CMTM3: variants seen among roughly 807,000 people sequenced by gnomAD.
CMTM3 encodes CKLF like MARVEL transmembrane domain containing 3, also known as CKLF-like MARVEL transmembrane domain-containing protein 3.
CMTM3 carries 7 observed loss-of-function variants against 18.2 expected under a neutral mutation model. That is an observed-to-expected ratio of 0.38 (90% CI 0.22 to 0.72). The LOEUF (loss-of-function observed/expected upper bound fraction) is 0.72, where lower values mean the gene tolerates loss of function less well. CMTM3 is among the 30% of genes least tolerant of loss of function. The pLI is 0.46. For missense variants in CMTM3, 227 were observed against 249.2 expected (o/e 0.91, Z 0.60); for synonymous variants, 109 against 111.2 (o/e 0.98, Z 0.12).
In CMTM3 at chr16:66,605,170, C is replaced by T. The variant is rs551937800; in HGVS notation, c.147+218C>T. Reference sequence around the variant, plus strand: ...GGGCCCGAGCCCAGGCCATCCGCGGCGCTGTCCCCGCGAGTCCAGAGCTGG... The same window carrying T: ...GGGCCCGAGCCCAGGCCATCCGCGGTGCTGTCCCCGCGAGTCCAGAGCTGG... On this transcript the variant is annotated intron_variant, in intron 1 of 4. Coordinates refer to ENST00000567572, the MANE Select transcript of CMTM3 (RefSeq NM_181553.4). This position sits in a 1 kb window ranked among gnomAD's most constrained non-coding sequence, Gnocchi z 4.6. 3 of 430,452 alleles carry T rather than the reference C, an allele frequency of 7.0e-6. No individual in the cohort carries two copies. The East Asian group carries it at 1.2e-4, about 17-fold the overall frequency. The allele number at this position is 430,452 out of a possible 1,614,324, so 26.7% of individuals were successfully genotyped here. A position where few individuals can be genotyped will look rare whatever the true frequency, so the allele number is the denominator to read the frequency against.
chr16:66,610,025 C>A lies in CMTM3; in HGVS notation c.520+22C>A, dbSNP rs765826671. 5.0e-6 allele frequency: 8 copies of A among 1,612,464 alleles called. No homozygotes were observed. The highest frequency in any genetic ancestry group is 3.4e-6 in the Non-Finnish European group (4 of 1,178,986). On this transcript the variant is annotated intron_variant, in intron 4 of 4. Transcript: ENST00000567572. This position sits in a 1 kb window ranked among gnomAD's most constrained non-coding sequence, Gnocchi z 4.6. ...GAAGGTAAGCGGCTGCCCTGATCACCCCAGCAGTGCTGCAACAGGGGCCTG... is the reference window on the plus strand; with the variant it reads ...GAAGGTAAGCGGCTGCCCTGATCACACCAGCAGTGCTGCAACAGGGGCCTG...
rs2015345869 is a variant in CMTM3, at chr16:66,610,728, C to T, written c.520+725C>T. On this transcript the variant is annotated intron_variant, in intron 4 of 4. Transcript: ENST00000567572. This position sits in a 1 kb window ranked among gnomAD's most constrained non-coding sequence, Gnocchi z 4.6. Reference sequence around the variant, plus strand: ...CGGATGTGCCCCTGTGCTGGCAGTGCCTGTGGCTGGACAGGTAGACAAGGG... The same window carrying T: ...CGGATGTGCCCCTGTGCTGGCAGTGTCTGTGGCTGGACAGGTAGACAAGGG... 1.0e-5 allele frequency: 4 copies of T among 398,130 alleles called. No individual in the cohort carries two copies. Among genetic ancestry groups the T allele is most frequent in the South Asian group, 1.3e-4 (1 of 7,592 alleles). 24.7% of individuals were successfully genotyped at this position (398,130 alleles called of 1,614,324 possible). A position where few individuals can be genotyped will look rare whatever the true frequency, so the allele number is the denominator to read the frequency against.
At position 66,609,617 on chromosome 16, in the gene CMTM3, G is replaced by A. The variant is rs2015297037; in HGVS notation, c.399+87G>A. The A allele has an allele frequency of 1.3e-6, 2 of 1,518,352 alleles. No homozygotes were observed. Among genetic ancestry groups the A allele is most frequent in the Admixed American group, 3.9e-5 (2 of 50,688 alleles). The allele number at this position is 1,518,352 out of a possible 1,614,324, so 94.1% of individuals were successfully genotyped here. ...GGGACCTGGGGCAGAGCCTTTCCCT[G>A]CTGGGGCCCCCCTGGGGTCTCATGT... On this transcript the variant is annotated intron_variant, in intron 3 of 4. Coordinates refer to ENST00000567572, the MANE Select transcript of CMTM3 (RefSeq NM_181553.4). This position sits in a 1 kb window ranked among gnomAD's most constrained non-coding sequence, Gnocchi z 4.4.
chr16:66,612,706 G>C lies in CMTM3; in HGVS notation c.*69G>C. 2 of 1,516,540 alleles carry C rather than the reference G, an allele frequency of 1.3e-6. No individual in the cohort carries two copies. Among genetic ancestry groups the C allele is most frequent in the East Asian group, 4.5e-5 (2 of 44,372 alleles). 93.9% of individuals were successfully genotyped at this position (1,516,540 alleles called of 1,614,324 possible). The stretch of plus-strand genomic sequence containing the variant: ...ACCCCTGCGCCTCACAGGGGTCGCT[G>C]GCGTTGGAGCGGAGGCCTGGACTTC... On this transcript the variant is annotated 3_prime_UTR_variant, in exon 5 of 5. Transcript: ENST00000567572. The surrounding 1 kb of genome is among the most constrained non-coding windows in gnomAD (Gnocchi z 6.0).
upstream of CMTM3, chr16:66,604,641 G>A: frequency 2.1e-6 from 1 of 485,486 alleles, no homozygotes; most frequent in Non-Finnish European, 3.1e-6. Context: ...GGAGGGGCGG[G>A]CTGGAGGAGC....
chr16:66,610,014 G>T lies in CMTM3; in HGVS notation c.520+11G>T, dbSNP rs1209787060. ...CCCACAAGACAGAAGGTAAGCGGCT[G>T]CCCTGATCACCCCAGCAGTGCTGCA... On this transcript the variant is annotated intron_variant, in intron 4 of 4. Transcript: ENST00000567572. The surrounding 1 kb of genome is among the most constrained non-coding windows in gnomAD (Gnocchi z 4.6). 6.2e-7 allele frequency: 1 copy of T among 1,614,122 alleles called. No individual in the cohort carries two copies. The highest frequency in any genetic ancestry group is 1.1e-5 in the South Asian group (1 of 91,070).
chr16:66,609,391 G>C lies in CMTM3; in HGVS notation c.304-44G>C. The C allele has an allele frequency of 6.4e-7, 1 of 1,559,924 alleles. No individual in the cohort carries two copies. The highest frequency in any genetic ancestry group is 8.8e-7 in the Non-Finnish European group (1 of 1,139,396). On this transcript the variant is annotated intron_variant, in intron 2 of 4. Transcript: ENST00000567572. This position sits in a 1 kb window ranked among gnomAD's most constrained non-coding sequence, Gnocchi z 4.4. ...CTGCCAGGCCTCCTCCCCATGCTGT[G>C]CTCAGCTCCAGGGGCTCAGGGCAGC...
In CMTM3 at chr16:66,605,905, C is replaced by T. The variant is rs771963554; in HGVS notation, c.147+953C>T. 1.3e-5 allele frequency among the ~76,000 whole-genome samples: 2 copies of T among 152,120 alleles called. No homozygotes were observed. Among genetic ancestry groups the T allele is most frequent in the African/African-American group, 4.8e-5 (2 of 41,418 alleles). ...GTCAGCCCAGAGGCCACCTGCCCAA[C>T]GCCCAAGTGAGACACCAATGCCACA... On this transcript the variant is annotated intron_variant, in intron 1 of 4. Transcript: ENST00000567572. The surrounding 1 kb of genome is among the most constrained non-coding windows in gnomAD (Gnocchi z 4.6).
Position 66,604,851 on chromosome 16 carries a change from G to C in CMTM3, c.46G>C (p.Gly16Arg). The C allele has an allele frequency of 7.3e-7, 1 of 1,367,082 alleles. No homozygotes were observed. Among genetic ancestry groups the C allele is most frequent in the Non-Finnish European group, 9.4e-7 (1 of 1,065,364 alleles). 84.7% of individuals were successfully genotyped at this position (1,367,082 alleles called of 1,614,324 possible). A position where few individuals can be genotyped will look rare whatever the true frequency, so the allele number is the denominator to read the frequency against. ...PDPDPDPEPA[G>R]GSRPGPAVPG... is the part of the protein sequence containing the mutation. ...CCCCGACCCGGACCCCGAGCCTGCC[G>C]GCGGCTCCCGTCCCGGCCCCGCGGT... is the stretch of plus-strand genomic sequence containing the variant. Residue 16 changes from glycine (G) to arginine (R), a missense_variant, in exon 1 of 5, where the codon GGC becomes CGC. Transcript: ENST00000567572.
At position 66,604,838 on chromosome 16, in the gene CMTM3, C is replaced by T; in HGVS notation, c.33C>T (p.Asp11=). 7.4e-7 allele frequency: 1 copy of T among 1,346,762 alleles called. No individual in the cohort carries two copies. Among genetic ancestry groups the T allele is most frequent in the Non-Finnish European group, 9.5e-7 (1 of 1,055,282 alleles). The allele number at this position is 1,346,762 out of a possible 1,614,324, so 83.4% of individuals were successfully genotyped here. The change falls in exon 1 of 5, where the codon GAC becomes GAT. Residue 11 remains aspartate, a synonymous_variant. Coordinates refer to ENST00000567572, the MANE Select transcript of CMTM3 (RefSeq NM_181553.4). MWPPDPDPDP[D]PEPAGGSRPG... is the part of the protein sequence containing the mutation. ...CCCCAGACCCCGACCCCGACCCGGA[C>T]CCCGAGCCTGCCGGCGGCTCCCGTC...
chr16:66,604,830 G>C lies in CMTM3; in HGVS notation c.25G>C (p.Asp9His). Residue 9 changes from aspartate (D) to histidine (H), a missense_variant, in exon 1 of 5, where the codon GAC (aspartate) becomes CAC (histidine). Physicochemically the swap from Asp to His is moderately conservative, Grantham distance 81 (BLOSUM62 -1). Coordinates refer to ENST00000567572, the MANE Select transcript of CMTM3 (RefSeq NM_181553.4). The stretch of plus-strand genomic sequence containing the variant: ...CATGTGGCCCCCAGACCCCGACCCC[G>C]ACCCGGACCCCGAGCCTGCCGGCGG... MWPPDPDP[D>H]PDPEPAGGSR... 2.3e-6 allele frequency: 3 copies of C among 1,318,112 alleles called. No individual in the cohort carries two copies. The highest frequency in any genetic ancestry group is 1.9e-6 in the Non-Finnish European group (2 of 1,040,314). 81.7% of individuals were successfully genotyped at this position (1,318,112 alleles called of 1,614,324 possible).
chr16:66,604,054 G>C (rs918934880), upstream of CMTM3: 1 of 153,002 alleles, frequency 6.5e-6, no homozygotes, highest in African/African-American at 2.4e-5. Context: ...GTGTGTGTGA[G>C]AGAGAGAGAT....
At chr16:66,611,236 T>C (rs1294733238) in intron 4 of CMTM3, among the ~76,000 whole-genome samples, 1 of 152,138 alleles carries the variant, frequency 6.6e-6, no homozygotes, top group Admixed American at 6.5e-5. Flanking sequence ...GTGGATCACT[T>C]GAGGTCAGGA....
At chr16:66,607,893 G>GGAGTGCAGTGGCCTGATCACAGCT in intron 1 of CMTM3, among the ~76,000 whole-genome samples, 1 of 151,668 alleles carries the variant, frequency 6.6e-6, no homozygotes, top group East Asian at 1.9e-4. Flanking sequence ...CACCCAGGAT[G>GGAGTGCAGTGGCCTGATCACAGCT]GAGTGCAGTG....
Position 66,613,157 on chromosome 16 carries a change from G to C in CMTM3, c.*520G>C. The C allele has an allele frequency of 2.8e-6, 2 of 702,762 alleles. No individual in the cohort carries two copies. The highest frequency in any genetic ancestry group is 2.7e-5 in the East Asian group (1 of 37,280). 43.5% of individuals were successfully genotyped at this position (702,762 alleles called of 1,614,324 possible). ...AGAATCTTTGGTTCAAGGAGCACCA[G>C]TTCCCTCTTCATTCTTGAAGCAGGG... On this transcript the variant is annotated 3_prime_UTR_variant, in exon 5 of 5. Coordinates refer to ENST00000567572, the MANE Select transcript of CMTM3 (RefSeq NM_181553.4).
chr16:66,604,619 G>A (rs997339540), upstream of CMTM3: 212 of 405,284 alleles, frequency 5.2e-4, 1 homozygote, highest in African/African-American at 4.0e-3. Context: ...CCCCGCAGCC[G>A]GGGTCCGAGG....
In CMTM3 at chr16:66,604,907, G is replaced by T; in HGVS notation, c.102G>T (p.Arg34=). The T allele has an allele frequency of 6.8e-7, 1 of 1,472,096 alleles. No homozygotes were observed. The highest frequency in any genetic ancestry group is 1.3e-5 in the South Asian group (1 of 76,812). 91.2% of individuals were successfully genotyped at this position (1,472,096 alleles called of 1,614,324 possible). A position where few individuals can be genotyped will look rare whatever the true frequency, so the allele number is the denominator to read the frequency against. ...VPGLRALLPA[R]AFLCSLKGRL... The stretch of plus-strand genomic sequence containing the variant: ...GGCTCCGCGCCCTGCTGCCGGCGCG[G>T]GCTTTCCTCTGCTCTCTCAAAGGCC... Residue 34 remains arginine, a synonymous_variant, in exon 1 of 5, where the codon CGG becomes CGT. Coordinates refer to ENST00000567572, the MANE Select transcript of CMTM3 (RefSeq NM_181553.4).
Position 66,605,757 on chromosome 16 carries a change from A to G in CMTM3, c.147+805A>G, listed in dbSNP as rs2015126926. 6.6e-6 allele frequency among the ~76,000 whole-genome samples: 1 copy of G among 152,170 alleles called. No individual in the cohort carries two copies. The highest frequency in any genetic ancestry group is 2.4e-5 in the African/African-American group (1 of 41,448). On this transcript the variant is annotated intron_variant, in intron 1 of 4. Transcript: ENST00000567572. This position sits in a 1 kb window ranked among gnomAD's most constrained non-coding sequence, Gnocchi z 4.6. ...GGCGCCTGATTTGACAGGTGGCTCA[A>G]CTGAGGGGCCCAGTGAGAGCGGCCA... is the stretch of plus-strand genomic sequence containing the variant.
In CMTM3 at chr16:66,609,650, G is replaced by A. The variant is rs948083873; in HGVS notation, c.399+120G>A. 2.0e-5 allele frequency: 30 copies of A among 1,519,658 alleles called. No homozygotes were observed. Among genetic ancestry groups the A allele is most frequent in the South Asian group, 4.8e-5 (4 of 83,326 alleles). 94.1% of individuals were successfully genotyped at this position (1,519,658 alleles called of 1,614,324 possible). On this transcript the variant is annotated intron_variant, in intron 3 of 4. Coordinates refer to ENST00000567572, the MANE Select transcript of CMTM3 (RefSeq NM_181553.4). The surrounding 1 kb of genome is among the most constrained non-coding windows in gnomAD (Gnocchi z 4.4). ...CCCCCTGGGGTCTCATGTGGGTCCCGATGATGATTCCAAAGTCCTCTCATT... is the reference window on the plus strand; with the variant it reads ...CCCCCTGGGGTCTCATGTGGGTCCCAATGATGATTCCAAAGTCCTCTCATT...
Sources: allele counts gnomAD v4.1 joint callset (sites outside exome capture counted in the v4.1 genomes callset), GRCh38; gene constraint gnomAD v4.1.1; non-coding constraint Gnocchi (gnomAD v3.1); transcripts MANE v1.5; gene names NCBI Gene and HGNC (gene_info 2026-07-23, HGNC 2026-07-21).